ANOS1: variants seen among roughly 807,000 people sequenced by gnomAD.
ANOS1 encodes the protein anosmin 1, also known as anosmin-1.
ANOS1 carries 6 observed loss-of-function variants against 59.0 expected under a neutral mutation model. That is an observed-to-expected ratio of 0.10 (90% confidence interval 0.06 to 0.20). The LOEUF (loss-of-function observed/expected upper bound fraction) is 0.20, where lower values mean the gene tolerates loss of function less well. ANOS1 is among the 10% of genes least tolerant of loss of function. The pLI, the probability that ANOS1 is intolerant of heterozygous loss-of-function variation, is 1.00. For missense variants in ANOS1, 433 were observed against 542.3 expected, an observed-to-expected ratio of 0.80 and a Z score of 2.00; for synonymous variants, 217 against 223.4, an observed-to-expected ratio of 0.97 and a Z score of 0.25.
chrX:8,666,666 G>A (rs768638983), intron 2 of ANOS1, among the ~76,000 whole-genome samples: 60 of 112,232 alleles, frequency 5.3e-4, no homozygotes, highest in African/African-American at 1.9e-3. Context: ...GACCTTCAGA[G>A]GAAAAATGCT....
intron 2 of ANOS1, among the ~76,000 whole-genome samples, chrX:8,682,045 C>T (rs1932432503): frequency 9.0e-6 from 1 of 111,374 alleles, no homozygotes; most frequent in South Asian, 3.8e-4. Context: ...ACTCCCCACA[C>T]AGCACTCCAT....
chrX:8,555,909 C>T (rs866032480), intron 8 of ANOS1, among the ~76,000 whole-genome samples: 6 of 112,469 alleles, frequency 5.3e-5, no homozygotes, highest in East Asian at 5.6e-4. Flanking sequence ...AATTTCAGGC[C>T]GATATCCCTG....
At chrX:8,539,540 C>A (rs111544601) in intron 10 of ANOS1, 124 bp downstream of exon 10, 2 of 1,074,827 alleles carry the variant, frequency 1.9e-6, no homozygotes, top group Non-Finnish European at 1.3e-6. Flanking sequence ...CTTTCCACTT[C>A]CATCAAGTCA....
At chrX:8,654,851 GA>G (rs1452575929) in intron 2 of ANOS1, among the ~76,000 whole-genome samples, 1 of 111,456 alleles carries the variant, frequency 9.0e-6, no homozygotes, top group East Asian at 2.8e-4. Flanking sequence ...TCAAATGGTT[GA>G]AAAAAAATAA....
intron 2 of ANOS1, among the ~76,000 whole-genome samples, chrX:8,689,979 A>G (rs187517708): frequency 7.0e-4 from 78 of 111,829 alleles, no homozygotes; most frequent in Non-Finnish European, 1.3e-3. Context: ...TTGAAACCTC[A>G]CACACACTAA....
chrX:8,614,661 A>AT (rs1931127313), intron 3 of ANOS1, among the ~76,000 whole-genome samples: 1 of 110,642 alleles, frequency 9.0e-6, no homozygotes, highest in South Asian at 3.8e-4. Flanking sequence ...TTCAAAAAAA[A>AT]TTTTTTTACT....
At chrX:8,700,784 G>A (rs1429873840) in intron 1 of ANOS1, among the ~76,000 whole-genome samples, 1 of 111,850 alleles carries the variant, frequency 8.9e-6, no homozygotes, top group Non-Finnish European at 1.9e-5. Flanking sequence ...CAAGACGGGT[G>A]GATCGCCTGA....
intron 2 of ANOS1, among the ~76,000 whole-genome samples, chrX:8,642,540 CAA>C (rs5901373): frequency 1.1e-5 from 1 of 95,013 alleles, no homozygotes; most frequent in African/African-American, 3.8e-5. Flanking sequence ...TGTTATTAGG[CAA>C]AAAAAAAAAG....
chrX:8,562,325 T>C (rs1407788700), intron 8 of ANOS1, among the ~76,000 whole-genome samples: 1 of 111,957 alleles, frequency 8.9e-6, no homozygotes, highest in Admixed American at 9.5e-5. Context: ...TTTATTAAAA[T>C]GATTCAAGAA....
chrX:8,615,877 G>A (rs1189894050), intron 3 of ANOS1, among the ~76,000 whole-genome samples: 2 of 111,412 alleles, frequency 1.8e-5, no homozygotes, highest in African/African-American at 6.5e-5. Flanking sequence ...TTAAGGTCAT[G>A]TGCTTCAGCA....
intron 2 of ANOS1, among the ~76,000 whole-genome samples, chrX:8,626,446 T>C (rs1931395212): frequency 8.9e-6 from 1 of 111,934 alleles, no homozygotes; most frequent in Non-Finnish European, 1.9e-5. Flanking sequence ...CTAAGACATA[T>C]ATGAGCCTGC....
intron 1 of ANOS1, among the ~76,000 whole-genome samples, chrX:8,713,095 CCAGA>C (rs771210958): frequency 6.3e-5 from 7 of 110,891 alleles, no homozygotes; most frequent in African/African-American, 2.0e-4. Flanking sequence ...GACATGGCAG[CCAGA>C]CAGTGACTCC....
intron 2 of ANOS1, among the ~76,000 whole-genome samples, chrX:8,655,605 G>A (rs1931919955): frequency 2.7e-5 from 3 of 111,086 alleles, no homozygotes; most frequent in Non-Finnish European, 5.7e-5. Context: ...GTCCCAGGAA[G>A]CCCAAGACAC....
intron 1 of ANOS1, among the ~76,000 whole-genome samples, chrX:8,707,179 A>G (rs1185002423): frequency 8.9e-6 from 1 of 112,309 alleles, no homozygotes; most frequent in African/African-American, 3.2e-5. Flanking sequence ...TCCCTAGCAC[A>G]TGTTTGCCAT....
chrX:8,602,895 T>G (rs1241522111), intron 3 of ANOS1, among the ~76,000 whole-genome samples: 1 of 110,734 alleles, frequency 9.0e-6, no homozygotes, highest in Admixed American at 9.7e-5. Context: ...TGCGCCACCA[T>G]GTCCAGCTAA....
chrX:8,696,396 T>A (rs1602030308), intron 2 of ANOS1, among the ~76,000 whole-genome samples: 2 of 112,068 alleles, frequency 1.8e-5, no homozygotes, highest in Non-Finnish European at 3.8e-5. Flanking sequence ...TAACACAAGG[T>A]GACAATGTGC....
At chrX:8,690,203 C>T (rs1227162365) in intron 2 of ANOS1, among the ~76,000 whole-genome samples, 1 of 111,721 alleles carries the variant, frequency 9.0e-6, no homozygotes, top group African/African-American at 3.3e-5. Flanking sequence ...TAATTATACC[C>T]GACTTGAGAC....
At chrX:8,559,897 CAG>C (rs1930006699) in intron 8 of ANOS1, among the ~76,000 whole-genome samples, 1 of 111,795 alleles carries the variant, frequency 8.9e-6, no homozygotes, top group Admixed American at 9.6e-5. Flanking sequence ...CTCTACAAAA[CAG>C]AGCTCATCCT....
intron 6 of ANOS1, among the ~76,000 whole-genome samples, chrX:8,570,948 C>T (rs1392213423): frequency 9.1e-6 from 1 of 109,316 alleles, no homozygotes; most frequent in Non-Finnish European, 1.9e-5. Flanking sequence ...CCTGTCTCTA[C>T]AAAATTTAAA....
Sources: allele counts gnomAD v4.1 joint callset (sites outside exome capture counted in the v4.1 genomes callset), GRCh38; gene constraint gnomAD v4.1.1; transcripts MANE v1.5; gene names NCBI Gene and HGNC (gene_info 2026-07-23, HGNC 2026-07-21).